ABAT: variants seen among roughly 807,000 people sequenced by gnomAD.
The protein encoded by ABAT is 4-aminobutyrate aminotransferase.
Under a neutral mutation model 64.6 loss-of-function variants are expected in ABAT, and 45 were observed. The observed-to-expected ratio is 0.70, with a 90% confidence interval of 0.55 to 0.89. ABAT has a LOEUF of 0.89. Among genes scored for constraint, ABAT ranks in the 40% least tolerant of loss-of-function variants. The probability of loss-of-function intolerance (pLI) is 0.00; values close to 1 mark genes in which losing one functional copy is unlikely to be tolerated. For synonymous variants in ABAT, 297 were observed against 250.5 expected (o/e 1.19, Z -1.75); for missense variants, 633 against 658.4 (o/e 0.96, Z 0.42).
rs59128291 is a variant in ABAT at position 8,711,786 on chromosome 16, A to AGATGGATG, written c.-41-23878_-41-23871dup. On this transcript the variant is annotated intron_variant, in intron 1 of 15. Coordinates refer to ENST00000268251, the MANE Select transcript of ABAT (RefSeq NM_020686.6). ...AAGATGGATGGATGGATGGATGGGA[A>AGATGGATG]GATGGATGGATGGATGGATGGATGG... is the stretch of plus-strand genomic sequence containing the variant. Among the ~76,000 whole-genome samples, 860 of 137,190 alleles carry AGATGGATG rather than the reference A, an allele frequency of 6.3e-3. 6 individuals are homozygous for AGATGGATG. The highest frequency in any genetic ancestry group is 0.014 in the African/African-American group (483 of 34,848). The allele number at this position is 137,190 out of a possible 152,430, so 90.0% of individuals were successfully genotyped here.
chr16:8,755,278 C>CA (rs561078467), intron 5 of ABAT, among the ~76,000 whole-genome samples: 58 of 152,234 alleles, frequency 3.8e-4, no homozygotes, highest in Non-Finnish European at 6.9e-4. Flanking sequence ...GGTGCAACCA[C>CA]AAAGTGTCCC....
intron 1 of ABAT, among the ~76,000 whole-genome samples, chr16:8,729,145 G>A (rs1201730477): frequency 2.1e-5 from 3 of 145,702 alleles, no homozygotes; most frequent in Non-Finnish European, 4.5e-5. Context: ...TGGCTCTACT[G>A]AAAAAAAAAA....
intron 1 of ABAT, among the ~76,000 whole-genome samples, chr16:8,723,204 G>A (rs755978932): frequency 6.6e-6 from 1 of 152,198 alleles, no homozygotes; most frequent in Non-Finnish European, 1.5e-5. Context: ...GTGCACTCCA[G>A]CCTGGGTGAC....
rs1158084095 is a variant in ABAT at position 8,743,441 on chromosome 16, A to ATATATATATATG, written c.71-2556_71-2555insTATATATGTATA. On this transcript the variant is annotated intron_variant, in intron 2 of 15. Coordinates refer to ENST00000268251, the MANE Select transcript of ABAT (RefSeq NM_020686.6). ...GAAACAGTTATATATATATATATAT[A>ATATATATATATG]TATACACACATTTTATAATATATTA... 4.2e-3 allele frequency among the ~76,000 whole-genome samples: 374 copies of ATATATATATATG among 89,006 alleles called. 16 individuals are homozygous for ATATATATATATG. Among genetic ancestry groups the ATATATATATATG allele is most frequent in the African/African-American group, 0.013 (347 of 26,530 alleles). 58.4% of individuals were successfully genotyped at this position (89,006 alleles called of 152,430 possible). A position where few individuals can be genotyped will look rare whatever the true frequency, so the allele number is the denominator to read the frequency against.
intron 5 of ABAT, among the ~76,000 whole-genome samples, chr16:8,753,870 T>C (rs559508126): frequency 6.6e-5 from 10 of 152,244 alleles, no homozygotes; most frequent in African/African-American, 2.4e-4. Flanking sequence ...CTTTCACTTT[T>C]CTATTCTATT....
At position 8,781,715 on chromosome 16, in the gene ABAT, G is replaced by A. The variant is rs2060443991; in HGVS notation, c.*285G>A. On this transcript the variant is annotated 3_prime_UTR_variant, in exon 16 of 16. Coordinates refer to ENST00000268251, the MANE Select transcript of ABAT (RefSeq NM_020686.6). This position sits in a 1 kb window ranked among gnomAD's most constrained non-coding sequence, Gnocchi z 4.5. The stretch of plus-strand genomic sequence containing the variant: ...GAAGGGCCATGGGAGGTCCTGGCTA[G>A]AGTTCTGCCCAACCTTGACCAACCC... 5 of 510,234 alleles carry A rather than the reference G, an allele frequency of 9.8e-6. No individual in the cohort carries two copies. Among genetic ancestry groups the A allele is most frequent in the Non-Finnish European group, 1.8e-5 (5 of 281,316 alleles). 31.6% of individuals were successfully genotyped at this position (510,234 alleles called of 1,614,324 possible). A position where few individuals can be genotyped will look rare whatever the true frequency, so the allele number is the denominator to read the frequency against.
chr16:8,712,807 G>C (rs569345872), intron 1 of ABAT: 1 of 152,198 alleles, frequency 6.6e-6, no homozygotes, highest in African/African-American at 2.4e-5. Context: ...CGGCAACGGC[G>C]TAATAGCTCA....
At chr16:8,725,003 G>A (rs1054773213) in intron 1 of ABAT, among the ~76,000 whole-genome samples, 11 of 150,244 alleles carry the variant, frequency 7.3e-5, no homozygotes, top group East Asian at 2.0e-4. Context: ...CGCAACCTCC[G>A]CCTCCCGGGT....
chr16:8,705,977 T>C (rs2057931603), intron 1 of ABAT, among the ~76,000 whole-genome samples: 2 of 152,150 alleles, frequency 1.3e-5, no homozygotes, highest in East Asian at 3.8e-4. Context: ...GGGAGTGACA[T>C]TTCTTCCAAG....
intron 1 of ABAT, among the ~76,000 whole-genome samples, chr16:8,681,169 G>A (rs530876456): frequency 1.4e-3 from 211 of 151,770 alleles, no homozygotes; most frequent in African/African-American, 4.9e-3. Context: ...TTTTTTTGTT[G>A]TTGTTGAGAT....
chr16:8,748,230 A>G (rs1330859352), intron 4 of ABAT, 93 bp downstream of exon 4: 2 of 1,253,062 alleles, frequency 1.6e-6, no homozygotes, highest in Non-Finnish European at 2.3e-6. Flanking sequence ...TCTTTTTTAA[A>G]AAAAATGTAG....
intron 1 of ABAT, chr16:8,731,645 T>TC (rs1491147713): frequency 1.3e-5 from 2 of 151,780 alleles, no homozygotes; most frequent in East Asian, 3.9e-4. Flanking sequence ...TTTTTTTTTT[T>TC]AATTGTTATT....
chr16:8,768,709 C>T lies in ABAT; in HGVS notation c.668-116C>T, dbSNP rs921096594. The T allele has an allele frequency of 1.1e-5, 15 of 1,422,888 alleles. No homozygotes were observed. The African/African-American group carries it at 2.0e-4, about 19-fold the overall frequency. The allele number at this position is 1,422,888 out of a possible 1,614,324, so 88.1% of individuals were successfully genotyped here. On this transcript the variant is annotated intron_variant, in intron 10 of 15. Transcript: ENST00000268251. ...AAAAGAACTGGGGTTTCACAGGCAA[C>T]AGGCCTCCCTGCCCACTGACAGCCT... is the stretch of plus-strand genomic sequence containing the variant.
In ABAT at chr16:8,728,764, C is replaced by G. The variant is rs542883344; in HGVS notation, c.-41-6935C>G. On this transcript the variant is annotated intron_variant, in intron 1 of 15. Transcript: ENST00000268251. ...TGGCACATGCCTATAATCCCAGCTACTCGGGAGGCTGAGGCAGGAGAATCG... is the reference window on the plus strand; with the variant it reads ...TGGCACATGCCTATAATCCCAGCTAGTCGGGAGGCTGAGGCAGGAGAATCG... Among the ~76,000 whole-genome samples, 3 of 152,198 alleles carry G rather than the reference C, an allele frequency of 2.0e-5. No individual in the cohort carries two copies. The South Asian group carries it at 6.2e-4, about 32-fold the overall frequency.
chr16:8,745,576 A>T (rs759631520), intron 2 of ABAT, among the ~76,000 whole-genome samples: 6 of 152,040 alleles, frequency 3.9e-5, no homozygotes, highest in Non-Finnish European at 1.5e-5. Context: ...GCGTGCCTGT[A>T]ATCCCAGGTA....
At position 8,783,390 on chromosome 16, in the gene ABAT, G is replaced by A. The variant is rs2060482798; in HGVS notation, c.*1960G>A. 1.3e-5 allele frequency: 2 copies of A among 152,110 alleles called. No homozygotes were observed. 9.4% of individuals were successfully genotyped at this position (152,110 alleles called of 1,614,324 possible). A position where few individuals can be genotyped will look rare whatever the true frequency, so the allele number is the denominator to read the frequency against. On this transcript the variant is annotated 3_prime_UTR_variant, in exon 16 of 16. Transcript: ENST00000268251. ...ACAGAGGTGTGAATAAAAGCATCAG[G>A]AAATCGGATGGAGAACCACCATTCA...
intron 11 of ABAT, among the ~76,000 whole-genome samples, chr16:8,770,497 G>T (rs1289135145): frequency 6.6e-6 from 1 of 151,794 alleles, no homozygotes; most frequent in African/African-American, 2.4e-5. Context: ...GGAGTGCAGT[G>T]GTGCAATCAC....
intron 1 of ABAT, among the ~76,000 whole-genome samples, chr16:8,723,441 C>G (rs2058432237): frequency 6.6e-6 from 1 of 152,134 alleles, no homozygotes; most frequent in African/African-American, 2.4e-5. Flanking sequence ...TTGTGGCAGC[C>G]TGCATCTGGG....
rs1022883627 is a variant in ABAT at position 8,679,005 on chromosome 16, C to T, written c.-42+4294C>T. ...GAAGAAGAAGAAAATAAATCTCCGC[C>T]AGCTTCCCATGCATTAAAAATGAGC... On this transcript the variant is annotated intron_variant, in intron 1 of 15. Transcript: ENST00000268251. Among the ~76,000 whole-genome samples the T allele has an allele frequency of 2.6e-5, 4 of 152,042 alleles. No homozygotes were observed. The East Asian group carries it at 7.7e-4, about 29-fold the overall frequency.
Sources: gnomAD v4.1 joint callset for allele counts (sites outside exome capture counted in the v4.1 genomes callset) on GRCh38, gnomAD v4.1.1 for gene constraint, Gnocchi (gnomAD v3.1) non-coding constraint, MANE v1.5 for transcripts, NCBI Gene and HGNC (gene_info 2026-07-23, HGNC 2026-07-21) for gene names.